Variants in FAM13C observed in about 807,000 individuals in gnomAD.
FAM13C encodes protein FAM13C.
Under a neutral mutation model 73.2 loss-of-function variants are expected in FAM13C, and 37 were observed. The ratio of observed to expected loss-of-function variants is 0.51; its 90% CI spans 0.39 to 0.67. The LOEUF is 0.67. FAM13C is among the 30% of genes least tolerant of loss of function. FAM13C has a pLI of 0.00. For missense variants in FAM13C, 589 were observed against 715.6 expected (o/e 0.82, Z 2.02); for synonymous variants, 246 against 260.9 (o/e 0.94, Z 0.55).
At chr10:59,308,353 CCCACCACCACCACTA>C (rs1848488665) in intron 4 of FAM13C, among the ~76,000 whole-genome samples, 1 of 151,558 alleles carries the variant, frequency 6.6e-6, no homozygotes, top group African/African-American at 2.4e-5. Flanking sequence ...AACATCATCA[CCCACCACCACCACTA>C]CCACCACCAC....
At chr10:59,358,810 G>A (rs1160065784) in intron 1 of FAM13C, among the ~76,000 whole-genome samples, 1 of 152,180 alleles carries the variant, frequency 6.6e-6, no homozygotes, top group East Asian at 1.9e-4. Context: ...AGCTGGAGCT[G>A]ATTAGTTGAT....
intron 3 of FAM13C, among the ~76,000 whole-genome samples, chr10:59,338,126 T>C (rs996077384): frequency 2.6e-5 from 4 of 152,218 alleles, no homozygotes; most frequent in Non-Finnish European, 5.9e-5. Flanking sequence ...TCATTTAATC[T>C]TTCAAATAAC....
chr10:59,262,198 T>C (rs1842572311), intron 10 of FAM13C, among the ~76,000 whole-genome samples: 1 of 151,508 alleles, frequency 6.6e-6, no homozygotes, highest in South Asian at 2.1e-4. Flanking sequence ...CCTGGTGTCT[T>C]TGCCATTTAC....
In FAM13C at chr10:59,262,607, G is replaced by A. The variant is rs1381309192; in HGVS notation, c.1063C>T (p.Pro355Ser). 1.2e-6 allele frequency: 2 copies of A among 1,613,692 alleles called. No homozygotes were observed. Among genetic ancestry groups the A allele is most frequent in the African/African-American group, 1.3e-5 (1 of 75,014 alleles). ...AACAGGTTTCTAGGTGGACCTTTGG[G>A]AGCACTCCCTTGTTCTTCTGACAGC... ...LKLSEEQGSA[P>S]KGPPRNLLCE... The change falls in exon 10 of 14, where the codon CCC becomes TCC. Residue 355 changes from proline to serine, a missense_variant. Transcript: ENST00000618804.
At chr10:59,260,234 A>G (rs1339256044) in intron 10 of FAM13C, among the ~76,000 whole-genome samples, 1 of 152,080 alleles carries the variant, frequency 6.6e-6, no homozygotes. Flanking sequence ...TTCCCCTGTG[A>G]TGTATCCTCC....
intron 3 of FAM13C, among the ~76,000 whole-genome samples, chr10:59,351,360 A>G (rs921851088): frequency 6.6e-6 from 1 of 151,366 alleles, no homozygotes. Flanking sequence ...CATGAATCAT[A>G]TGTATCAGGG....
At chr10:59,317,908 C>G (rs1849737806) in intron 4 of FAM13C, among the ~76,000 whole-genome samples, 1 of 151,424 alleles carries the variant, frequency 6.6e-6, no homozygotes, top group Admixed American at 6.6e-5. Flanking sequence ...CCCCACCCCA[C>G]AACAGTCCCC....
At chr10:59,266,745 A>G (rs1424435573) in intron 8 of FAM13C, among the ~76,000 whole-genome samples, 1 of 152,196 alleles carries the variant, frequency 6.6e-6, no homozygotes, top group African/African-American at 2.4e-5. Flanking sequence ...AAGGCAGAAG[A>G]TGTTTCCAGG....
At chr10:59,342,886 T>C (rs1020450051) in intron 3 of FAM13C, among the ~76,000 whole-genome samples, 1 of 152,242 alleles carries the variant, frequency 6.6e-6, no homozygotes, top group African/African-American at 2.4e-5. Flanking sequence ...ATAAGCTGTT[T>C]TCTTTGCCTA....
intron 10 of FAM13C, among the ~76,000 whole-genome samples, chr10:59,261,047 G>A (rs192253997): frequency 1.2e-4 from 18 of 152,204 alleles, no homozygotes; most frequent in African/African-American, 3.1e-4. Context: ...AGATTTAGAC[G>A]TTGACCAAGA....
chr10:59,276,188 T>A (rs973418622), intron 6 of FAM13C, among the ~76,000 whole-genome samples: 1 of 152,180 alleles, frequency 6.6e-6, no homozygotes, highest in African/African-American at 2.4e-5. Context: ...TACCTTTTGC[T>A]TAGGAGAATA....
rs112693567 is a variant in FAM13C, at chr10:59,309,950, T to C, written c.444-7086A>G. Reference sequence around the variant, plus strand: ...GATAACTGATGCTCCCTCTTCCACCTATAGCATGCTAGCAGAGCCTAGAGG... The same window carrying C: ...GATAACTGATGCTCCCTCTTCCACCCATAGCATGCTAGCAGAGCCTAGAGG... On this transcript the variant is annotated intron_variant, in intron 4 of 13. Transcript: ENST00000618804. 7.4e-3 allele frequency among the ~76,000 whole-genome samples: 1,133 copies of C among 152,312 alleles called. 12 individuals carry two copies. The highest frequency in any genetic ancestry group is 0.025 in the African/African-American group (1,058 of 41,568).
rs531794860 is a variant in FAM13C at position 59,292,241 on chromosome 10, G to A, written c.508-8794C>T. On this transcript the variant is annotated intron_variant, in intron 5 of 13. Transcript: ENST00000618804. The stretch of plus-strand genomic sequence containing the variant: ...GTACTTAAATTATCCAAAAGCACAG[G>A]TCTTAAGTTGGATAAGCCCCTAACC... Among the ~76,000 whole-genome samples the A allele has an allele frequency of 3.3e-5, 5 of 152,318 alleles. No homozygotes were observed. The South Asian group carries it at 1.0e-3, about 32-fold the overall frequency.
intron 6 of FAM13C, among the ~76,000 whole-genome samples, chr10:59,271,284 T>C (rs910968969): frequency 6.6e-6 from 1 of 152,222 alleles, no homozygotes; most frequent in South Asian, 2.1e-4. Flanking sequence ...CACAATTTGG[T>C]ACCAGATGAA....
intron 5 of FAM13C, among the ~76,000 whole-genome samples, chr10:59,291,620 A>G (rs1846226463): frequency 1.3e-5 from 2 of 151,412 alleles, no homozygotes; most frequent in Admixed American, 6.6e-5. Flanking sequence ...GCCACAATAT[A>G]CAATAATAAA....
chr10:59,313,009 C>T (rs1489390073), intron 4 of FAM13C, among the ~76,000 whole-genome samples: 1 of 152,212 alleles, frequency 6.6e-6, no homozygotes, highest in Non-Finnish European at 1.5e-5. Context: ...ACCTCCCTTT[C>T]CCTTGGGAAA....
intron 4 of FAM13C, among the ~76,000 whole-genome samples, chr10:59,315,822 T>C (rs996970928): frequency 2.0e-5 from 3 of 152,180 alleles, no homozygotes; most frequent in East Asian, 3.8e-4. Flanking sequence ...ATCCTATGAT[T>C]CCAACACATA....
chr10:59,276,334 A>G (rs894121764), intron 6 of FAM13C, among the ~76,000 whole-genome samples: 8 of 152,192 alleles, frequency 5.3e-5, no homozygotes, highest in Non-Finnish European at 1.2e-4. Flanking sequence ...AGCATTATCA[A>G]CTGGAGGAAA....
intron 5 of FAM13C, chr10:59,300,959 A>C (rs545794408): frequency 2.6e-5 from 4 of 152,222 alleles, no homozygotes; most frequent in Non-Finnish European, 5.9e-5. Context: ...CCCATTAAAA[A>C]TATAGCAATG....
Sources: gnomAD v4.1 joint callset for allele counts (sites outside exome capture counted in the v4.1 genomes callset) on GRCh38, gnomAD v4.1.1 for gene constraint, MANE v1.5 for transcripts, NCBI Gene and HGNC (gene_info 2026-07-23, HGNC 2026-07-21) for gene names.